The following ANKRD13D variants were observed in gnomAD, a reference collection of about 807,000 sequenced individuals.
ANKRD13D encodes ankyrin repeat domain-containing protein 13D.
In ANKRD13D, 24 loss-of-function variants were observed where a neutral mutation model predicts 68.8. The ratio of observed to expected loss-of-function variants is 0.35; its 90% CI spans 0.25 to 0.49. The LOEUF is 0.49. Ranked by LOEUF, ANKRD13D falls within the 20% of genes least tolerant of loss-of-function variation. ANKRD13D has a pLI of 0.99. For missense variants in ANKRD13D, 735 were observed against 832.1 expected (o/e 0.88, Z 1.44); for synonymous variants, 331 against 336.1 (o/e 0.98, Z 0.16).
In ANKRD13D at chr11:67,301,964, G is replaced by A. The variant is rs1010024705; in HGVS notation, c.1604+141G>A. The A allele has an allele frequency of 1.7e-5, 23 of 1,328,476 alleles. 2 individuals are homozygous for A. In the Admixed American group the frequency reaches 3.2e-4, roughly 19 times the overall value. 82.3% of individuals were successfully genotyped at this position (1,328,476 alleles called of 1,614,324 possible). ...GCAGCGCTATCTGCCACCAAAGGTG[G>A]TGTGAGGGGTGGGGAAGCAGGGCCC... On this transcript the variant is annotated intron_variant, in intron 14 of 14. Coordinates refer to ENST00000511455, the MANE Select transcript of ANKRD13D (RefSeq NM_207354.3). This position sits in a 1 kb window ranked among gnomAD's most constrained non-coding sequence, Gnocchi z 4.5.
At position 67,291,730 on chromosome 11, in the gene ANKRD13D, C is replaced by T. The variant is rs774356353; in HGVS notation, c.525C>T (p.Phe175=). The T allele has an allele frequency of 1.2e-6, 2 of 1,614,018 alleles. No individual in the cohort carries two copies. The highest frequency in any genetic ancestry group is 1.7e-6 in the Non-Finnish European group (2 of 1,180,040). Residue 175 remains phenylalanine (F), a synonymous_variant, in exon 5 of 15, where the codon TTC becomes TTT. Coordinates refer to ENST00000511455, the MANE Select transcript of ANKRD13D (RefSeq NM_207354.3). ...HMTWQRGRRS[F]IFKGQEAGAL... ...CCTGGCAGCGGGGCCGGAGGAGCTT[C>T]ATCTTCAAGGGCCAGGGTGAGCTCT...
At position 67,302,334 on chromosome 11, in the gene ANKRD13D, C is replaced by T; in HGVS notation, c.*2C>T. On this transcript the variant is annotated 3_prime_UTR_variant, in exon 15 of 15. Transcript: ENST00000511455. ...CAGCTGTCACTCACTGAGCACTGAG[C>T]CATAGCCCCGGGAGGGCTGGCCAGG... is the stretch of plus-strand genomic sequence containing the variant. The T allele has an allele frequency of 6.6e-7, 1 of 1,510,348 alleles. No individual in the cohort carries two copies. Among genetic ancestry groups the T allele is most frequent in the South Asian group, 1.2e-5 (1 of 80,208 alleles). 93.6% of individuals were successfully genotyped at this position (1,510,348 alleles called of 1,614,324 possible).
In ANKRD13D at chr11:67,300,376, G is replaced by T; in HGVS notation, c.1073+253G>T. On this transcript the variant is annotated intron_variant, in intron 10 of 14. Transcript: ENST00000511455. This position sits in a 1 kb window ranked among gnomAD's most constrained non-coding sequence, Gnocchi z 4.3. ...TGTATGGTTTTCTATTGAATTTCAT[G>T]AGTACCTGCTGGGGCCAGCGTGGCA... 1 of 515,766 alleles carries T rather than the reference G, an allele frequency of 1.9e-6. No individual in the cohort carries two copies. The highest frequency in any genetic ancestry group is 2.5e-5 in the South Asian group (1 of 39,280). The allele number at this position is 515,766 out of a possible 1,614,324, so 31.9% of individuals were successfully genotyped here.
chr11:67,289,597 C>G, intron 1 of ANKRD13D, 47 bp downstream of exon 1: 1 of 1,468,360 alleles, frequency 6.8e-7, no homozygotes. Context: ...GTCCCCCACC[C>G]AAGGCTGTGG....
At position 67,301,099 on chromosome 11, in the gene ANKRD13D, C is replaced by T. The variant is rs748646221; in HGVS notation, c.1183C>T (p.Arg395Cys). ...CAGCAACGCTCACTTTGCCAAGCTG[C>T]GCGACTTCATCACTCTGCGCCTTCC... Reference protein sequence around the residue: ...AISNAHFAKLRDFITLRLPPG... With the variant: ...AISNAHFAKLCDFITLRLPPG... The change falls in exon 11 of 15, where the codon CGC becomes TGC. Residue 395 changes from arginine (R) to cysteine (C), a missense_variant. Transcript: ENST00000511455. This position sits in a 1 kb window ranked among gnomAD's most constrained non-coding sequence, Gnocchi z 4.5. The T allele has an allele frequency of 5.0e-6, 8 of 1,613,930 alleles. No individual in the cohort carries two copies. Among genetic ancestry groups the T allele is most frequent in the South Asian group, 2.2e-5 (2 of 91,090 alleles).
Position 67,299,142 on chromosome 11 carries a change from TG to T in ANKRD13D, c.798+24del, listed in dbSNP as rs746613610. 9.9e-5 allele frequency: 46 copies of T among 465,454 alleles called. No individual in the cohort carries two copies. The African/African-American group carries it at 1.0e-3, about 11-fold the overall frequency. 28.8% of individuals were successfully genotyped at this position (465,454 alleles called of 1,614,324 possible). ...AGGCCAAGGCAGGAGAGGCTAGGGG[TG>T]GGGGGCTGGGGGTAGGAGATGAGGT... On this transcript the variant is annotated intron_variant, in intron 7 of 14. Transcript: ENST00000511455. This position sits in a 1 kb window ranked among gnomAD's most constrained non-coding sequence, Gnocchi z 6.2.
rs965570195 is a variant in ANKRD13D, at chr11:67,300,880, C to T, written c.1074-110C>T. The T allele has an allele frequency of 1.1e-5, 15 of 1,398,500 alleles. No individual in the cohort carries two copies. In the African/African-American group the frequency reaches 1.7e-4, roughly 16 times the overall value. 86.6% of individuals were successfully genotyped at this position (1,398,500 alleles called of 1,614,324 possible). A position where few individuals can be genotyped will look rare whatever the true frequency, so the allele number is the denominator to read the frequency against. ...CGGCATCTGAGCAGAGCAGGGCACT[C>T]CAGGCCAGGCAGAAGGTGGGTAAAG... On this transcript the variant is annotated intron_variant, in intron 10 of 14. Coordinates refer to ENST00000511455, the MANE Select transcript of ANKRD13D (RefSeq NM_207354.3). The surrounding 1 kb of genome is among the most constrained non-coding windows in gnomAD (Gnocchi z 4.3).
intron 6 of ANKRD13D, chr11:67,298,821 C>T (rs1860860818): frequency 1.8e-6 from 1 of 561,432 alleles, no homozygotes; most frequent in Non-Finnish European, 3.2e-6. Context: ...AGCCCCGACA[C>T]TATCATACCT....
chr11:67,290,283 T>A, intron 2 of ANKRD13D, 39 bp from the exon 3 acceptor site: 1 of 1,545,652 alleles, frequency 6.5e-7, no homozygotes, highest in Non-Finnish European at 8.7e-7. Flanking sequence ...AGGCCTGGGG[T>A]CATCTGGAGG....
At position 67,289,320 on chromosome 11, in the gene ANKRD13D, C is replaced by A; in HGVS notation, c.-141C>A. The A allele has an allele frequency of 2.8e-6, 1 of 355,292 alleles. No individual in the cohort carries two copies. Among genetic ancestry groups the A allele is most frequent in the Non-Finnish European group, 3.9e-6 (1 of 256,004 alleles). The allele number at this position is 355,292 out of a possible 1,614,324, so 22.0% of individuals were successfully genotyped here. ...CCCGCCCCGCCCTCCCTGCCGCCCGCGCTGCCGCCGCCGCCGCCGCCGCCG... is the reference window on the plus strand; with the variant it reads ...CCCGCCCCGCCCTCCCTGCCGCCCGAGCTGCCGCCGCCGCCGCCGCCGCCG... On this transcript the variant is annotated 5_prime_UTR_variant, in exon 1 of 15. Coordinates refer to ENST00000511455, the MANE Select transcript of ANKRD13D (RefSeq NM_207354.3).
intron 6 of ANKRD13D, among the ~76,000 whole-genome samples, chr11:67,295,428 G>T (rs1047197060): frequency 4.1e-5 from 6 of 146,012 alleles, no homozygotes; most frequent in South Asian, 2.2e-4. Flanking sequence ...AAAAAAAAGG[G>T]GGGTGGTTAG....
chr11:67,290,540 G>A, intron 3 of ANKRD13D, 94 bp downstream of exon 3: 1 of 1,469,976 alleles, frequency 6.8e-7, no homozygotes, highest in Non-Finnish European at 9.1e-7. Context: ...CACCCAGTTT[G>A]TGCAGTGTGC....
At chr11:67,292,621 T>TG (rs1362758242) in intron 6 of ANKRD13D, among the ~76,000 whole-genome samples, 4 of 151,416 alleles carry the variant, frequency 2.6e-5, no homozygotes, top group Non-Finnish European at 5.9e-5. Context: ...GTGGAAACAC[T>TG]TAAAAAAAAA....
At chr11:67,292,863 T>A (rs1483949486) in intron 6 of ANKRD13D, among the ~76,000 whole-genome samples, 1 of 152,194 alleles carries the variant, frequency 6.6e-6, no homozygotes, top group Non-Finnish European at 1.5e-5. Context: ...ACTTTCTGTG[T>A]CTGTAGAATT....
In ANKRD13D at chr11:67,289,354, GC is replaced by G. The variant is rs1256963414; in HGVS notation, c.-106del. On this transcript the variant is annotated 5_prime_UTR_variant, in exon 1 of 15. Transcript: ENST00000511455. ...CGCCGCCGCCGCCGCCGCTACTGCT[GC>G]GGGGGCCGCGGGGGGCGCAGCTGGG... 6.4e-6 allele frequency: 5 copies of G among 775,672 alleles called. No individual in the cohort carries two copies. The highest frequency in any genetic ancestry group is 8.1e-6 in the Non-Finnish European group (5 of 615,356). 48.0% of individuals were successfully genotyped at this position (775,672 alleles called of 1,614,324 possible).
Position 67,301,285 on chromosome 11 carries a change from T to C in ANKRD13D, c.1235T>C (p.Ile412Thr). Residue 412 changes from isoleucine to threonine, a missense_variant, in exon 12 of 15, where the codon ATT becomes ACT. Physicochemically the swap from Ile to Thr is moderately conservative, Grantham distance 89. Transcript: ENST00000511455. The surrounding 1 kb of genome is among the most constrained non-coding windows in gnomAD (Gnocchi z 4.5). ...AGGCGTGGCTGTCTTCTCACAGAGA[T>C]TCCCCTTTTCCACGTGCTCAATGCC... ...LPPGFPVKIEIPLFHVLNARI... is the reference protein window; with the variant it reads ...LPPGFPVKIETPLFHVLNARI... 1 of 1,610,952 alleles carries C rather than the reference T, an allele frequency of 6.2e-7. No homozygotes were observed. Among genetic ancestry groups the C allele is most frequent in the Non-Finnish European group, 8.5e-7 (1 of 1,178,282 alleles).
chr11:67,289,730 T>C, intron 1 of ANKRD13D, 180 bp downstream of exon 1: 1 of 1,382,040 alleles, frequency 7.2e-7, no homozygotes, highest in Non-Finnish European at 9.4e-7. Flanking sequence ...GCCTCTGGCC[T>C]CCTCTCCCCT....
Position 67,300,217 on chromosome 11 carries a change from G to A in ANKRD13D, c.1073+94G>A, listed in dbSNP as rs931093888. On this transcript the variant is annotated intron_variant, in intron 10 of 14. Coordinates refer to ENST00000511455, the MANE Select transcript of ANKRD13D (RefSeq NM_207354.3). This position sits in a 1 kb window ranked among gnomAD's most constrained non-coding sequence, Gnocchi z 4.3. ...GTCATAGTTAGGGACCCACTCCCTCGGCTGGCTTCTCTCTGGACTCCACTC... is the reference window on the plus strand; with the variant it reads ...GTCATAGTTAGGGACCCACTCCCTCAGCTGGCTTCTCTCTGGACTCCACTC... The A allele has an allele frequency of 7.8e-6, 12 of 1,545,014 alleles. No homozygotes were observed. Among genetic ancestry groups the A allele is most frequent in the Admixed American group, 5.4e-5 (3 of 55,546 alleles).
At position 67,301,186 on chromosome 11, in the gene ANKRD13D, A is replaced by G. The variant is rs1860970527; in HGVS notation, c.1231+39A>G. The stretch of plus-strand genomic sequence containing the variant: ...CACAGGCAGCGGGAGGACCTCAGGC[A>G]TGGCACCCTCCCTCAGCGCAGTCCC... On this transcript the variant is annotated intron_variant, in intron 11 of 14. Coordinates refer to ENST00000511455, the MANE Select transcript of ANKRD13D (RefSeq NM_207354.3). This position sits in a 1 kb window ranked among gnomAD's most constrained non-coding sequence, Gnocchi z 4.5. 2 of 1,606,544 alleles carry G rather than the reference A, an allele frequency of 1.2e-6. No individual in the cohort carries two copies. The highest frequency in any genetic ancestry group is 1.1e-5 in the South Asian group (1 of 89,864).
Sources: allele counts gnomAD v4.1 joint callset (sites outside exome capture counted in the v4.1 genomes callset), GRCh38; gene constraint gnomAD v4.1.1; non-coding constraint Gnocchi (gnomAD v3.1); transcripts MANE v1.5; gene names NCBI Gene and HGNC (gene_info 2026-07-23, HGNC 2026-07-21).